KIRREL3: variants seen among roughly 807,000 people sequenced by gnomAD.
KIRREL3 encodes the protein kirre like nephrin family adhesion molecule 3, also known as kin of IRRE-like protein 3.
KIRREL3 carries 36 observed loss-of-function variants against 89.7 expected under a neutral mutation model. The ratio of observed to expected loss-of-function variants is 0.40; its 90% CI spans 0.31 to 0.53. The LOEUF is 0.53. KIRREL3 is among the 20% of genes least tolerant of loss of function. KIRREL3 has a pLI of 0.49. For missense variants in KIRREL3, 864 were observed against 1,056.6 expected, an observed-to-expected ratio of 0.82 and a Z score of 2.53; for synonymous variants, 445 against 441.4, an observed-to-expected ratio of 1.01 and a Z score of -0.10.
intron 1 of KIRREL3, among the ~76,000 whole-genome samples, chr11:126,649,129 T>G (rs1272416602): frequency 6.6e-6 from 1 of 152,142 alleles, no homozygotes; most frequent in East Asian, 1.9e-4. Flanking sequence ...TCACTACCCC[T>G]AGAACAGTAA....
chr11:126,587,868 G>C lies in KIRREL3; in HGVS notation c.56-24956C>G, dbSNP rs1941942903. 6.6e-6 allele frequency among the ~76,000 whole-genome samples: 1 copy of C among 152,172 alleles called. No homozygotes were observed. The highest frequency in any genetic ancestry group is 2.1e-4 in the South Asian group (1 of 4,820). Reference sequence around the variant, plus strand: ...TTTCACTTCTTTTTAGTTTTCATGAGAGTGAGTGAATGCAAGGAATGAATG... The same window carrying C: ...TTTCACTTCTTTTTAGTTTTCATGACAGTGAGTGAATGCAAGGAATGAATG... On this transcript the variant is annotated intron_variant, in intron 1 of 16. Transcript: ENST00000525144. The surrounding 1 kb of genome is among the most constrained non-coding windows in gnomAD (Gnocchi z 5.2).
chr11:126,857,160 G>C (rs1944545463), intron 1 of KIRREL3, among the ~76,000 whole-genome samples: 1 of 152,176 alleles, frequency 6.6e-6, no homozygotes, highest in African/African-American at 2.4e-5. Flanking sequence ...AGCCCAGTGG[G>C]GTGAGAGGGT....
chr11:126,758,527 T>A (rs932857742), intron 1 of KIRREL3, among the ~76,000 whole-genome samples: 6 of 152,200 alleles, frequency 3.9e-5, no homozygotes, highest in Non-Finnish European at 5.9e-5. Context: ...ACATCTTGAT[T>A]TGCCTTGATC....
At position 126,876,540 on chromosome 11, in the gene KIRREL3, T is replaced by A. The variant is rs1945292264; in HGVS notation, c.55+123915A>T. Among the ~76,000 whole-genome samples the A allele has an allele frequency of 1.8e-4, 1 of 5,630 alleles. No homozygotes were observed. The highest frequency in any genetic ancestry group is 4.5e-4 in the Non-Finnish European group (1 of 2,206). 3.7% of individuals were successfully genotyped at this position (5,630 alleles called of 152,430 possible). ...TACAGTACATACTCATAAATATGCT[T>A]TTTTTTTTTTTTTTTGAGATGGAGT... is the stretch of plus-strand genomic sequence containing the variant. On this transcript the variant is annotated intron_variant, in intron 1 of 16. Coordinates refer to ENST00000525144, the MANE Select transcript of KIRREL3 (RefSeq NM_032531.4). This position sits in a 1 kb window ranked among gnomAD's most constrained non-coding sequence, Gnocchi z 4.1.
intron 1 of KIRREL3, among the ~76,000 whole-genome samples, chr11:126,644,526 G>A (rs560559607): frequency 6.6e-6 from 1 of 152,330 alleles, no homozygotes; most frequent in East Asian, 1.9e-4. Context: ...TCAGAGGCTT[G>A]GGAGGACTGA....
chr11:126,585,531 GCCAGGAATTAACCTTCA>G (rs1361246314), intron 1 of KIRREL3, among the ~76,000 whole-genome samples: 1 of 152,220 alleles, frequency 6.6e-6, no homozygotes, highest in Non-Finnish European at 1.5e-5. Context: ...ACCGCGCCCG[GCCAGGAATTAACCTTCA>G]CCAGGATAGT....
chr11:126,848,843 A>T (rs1367243295), intron 1 of KIRREL3, among the ~76,000 whole-genome samples: 1 of 152,182 alleles, frequency 6.6e-6, no homozygotes, highest in Non-Finnish European at 1.5e-5. Flanking sequence ...TACCCTAAAT[A>T]CAAGAGACCT....
intron 1 of KIRREL3, among the ~76,000 whole-genome samples, chr11:126,968,661 C>T (rs545972128): frequency 2.6e-5 from 4 of 152,348 alleles, no homozygotes; most frequent in African/African-American, 9.6e-5. Context: ...TCAGCTCCTC[C>T]TGAAGAAAGC....
intron 1 of KIRREL3, among the ~76,000 whole-genome samples, chr11:126,584,348 C>A (rs189398451): frequency 3.3e-5 from 5 of 152,316 alleles, no homozygotes; most frequent in Non-Finnish European, 5.9e-5. Flanking sequence ...CATTGCCTGG[C>A]GAGCGCCTGT....
At position 126,773,328 on chromosome 11, in the gene KIRREL3, G is replaced by A. The variant is rs1419943771; in HGVS notation, c.56-210416C>T. ...GTCCCATCAGTTCAGGGCCAGAGTAGAACAAAAGGCTGGCCTCACCCGAGC... is the reference window on the plus strand; with the variant it reads ...GTCCCATCAGTTCAGGGCCAGAGTAAAACAAAAGGCTGGCCTCACCCGAGC... On this transcript the variant is annotated intron_variant, in intron 1 of 16. Coordinates refer to ENST00000525144, the MANE Select transcript of KIRREL3 (RefSeq NM_032531.4). The surrounding 1 kb of genome is among the most constrained non-coding windows in gnomAD (Gnocchi z 4.2). 6.6e-6 allele frequency among the ~76,000 whole-genome samples: 1 copy of A among 152,140 alleles called. No individual in the cohort carries two copies. The highest frequency in any genetic ancestry group is 1.5e-5 in the Non-Finnish European group (1 of 68,030).
chr11:126,519,480 A>G lies in KIRREL3; in HGVS notation c.433+1835T>C, dbSNP rs1273074699. On this transcript the variant is annotated intron_variant, in intron 4 of 16. Coordinates refer to ENST00000525144, the MANE Select transcript of KIRREL3 (RefSeq NM_032531.4). This position sits in a 1 kb window ranked among gnomAD's most constrained non-coding sequence, Gnocchi z 4.3. ...TTAATACGTTGGACTTTTTTACGTA[A>G]CGTAGAGTTGAGAGGAAAGGAAGTG... is the stretch of plus-strand genomic sequence containing the variant. Among the ~76,000 whole-genome samples, 1 of 152,238 alleles carries G rather than the reference A, an allele frequency of 6.6e-6. No homozygotes were observed. Among genetic ancestry groups the G allele is most frequent in the Admixed American group, 6.5e-5 (1 of 15,282 alleles).
At chr11:126,573,297 C>G (rs1417047333) in intron 1 of KIRREL3, among the ~76,000 whole-genome samples, 1 of 152,220 alleles carries the variant, frequency 6.6e-6, no homozygotes, top group East Asian at 1.9e-4. Context: ...CTCTCCAGCT[C>G]TCCTTGCTGT....
chr11:126,878,751 TAAA>T (rs1945386884), intron 1 of KIRREL3, among the ~76,000 whole-genome samples: 6 of 152,164 alleles, frequency 3.9e-5, no homozygotes, highest in Admixed American at 3.9e-4. Flanking sequence ...AGGGGTACAT[TAAA>T]TGTGATGGGA....
rs1159958576 is a variant in KIRREL3, at chr11:126,685,753, C to G, written c.56-122841G>C. ...ATGACGGCAAATGTCTCCCCACCGT[C>G]GGCAGCATCTTGGCCATTCAGAGCT... On this transcript the variant is annotated intron_variant, in intron 1 of 16. Coordinates refer to ENST00000525144, the MANE Select transcript of KIRREL3 (RefSeq NM_032531.4). The surrounding 1 kb of genome is among the most constrained non-coding windows in gnomAD (Gnocchi z 5.5). Among the ~76,000 whole-genome samples the G allele has an allele frequency of 6.6e-6, 1 of 152,216 alleles. No homozygotes were observed. The highest frequency in any genetic ancestry group is 2.1e-4 in the South Asian group (1 of 4,830).
rs1948917895 is a variant in KIRREL3, at chr11:126,739,754, A to G, written c.56-176842T>C. 1.3e-5 allele frequency among the ~76,000 whole-genome samples: 2 copies of G among 152,226 alleles called. No individual in the cohort carries two copies. The highest frequency in any genetic ancestry group is 4.8e-5 in the African/African-American group (2 of 41,448). ...TGGAAAACACCTAAAGGAGAACCGTAGCCAACACTGCAAATCAGGCAGCAT... is the reference window on the plus strand; with the variant it reads ...TGGAAAACACCTAAAGGAGAACCGTGGCCAACACTGCAAATCAGGCAGCAT... On this transcript the variant is annotated intron_variant, in intron 1 of 16. Transcript: ENST00000525144. This position sits in a 1 kb window ranked among gnomAD's most constrained non-coding sequence, Gnocchi z 5.5.
In KIRREL3 at chr11:126,423,395, G is replaced by C. The variant is rs1954799756; in HGVS notation, c.*1185C>G. On this transcript the variant is annotated 3_prime_UTR_variant, in exon 17 of 17. Coordinates refer to ENST00000525144, the MANE Select transcript of KIRREL3 (RefSeq NM_032531.4). The stretch of plus-strand genomic sequence containing the variant: ...ACTGCCTTTATTGTCTAGGAAGATT[G>C]AATCAAAGGAGGGCAGAGAACCTTG... 1 of 152,182 alleles carries C rather than the reference G, an allele frequency of 6.6e-6. No homozygotes were observed. Among genetic ancestry groups the C allele is most frequent in the Non-Finnish European group, 1.5e-5 (1 of 68,032 alleles). 9.4% of individuals were successfully genotyped at this position (152,182 alleles called of 1,614,324 possible). A position where few individuals can be genotyped will look rare whatever the true frequency, so the allele number is the denominator to read the frequency against.
chr11:126,832,702 G>A (rs1187138085), intron 1 of KIRREL3, among the ~76,000 whole-genome samples: 1 of 152,174 alleles, frequency 6.6e-6, no homozygotes, highest in Non-Finnish European at 1.5e-5. Flanking sequence ...TGCACGCTGG[G>A]AATGTTTTCA....
At chr11:126,464,397 G>A (rs1031200729) in intron 5 of KIRREL3, among the ~76,000 whole-genome samples, 5 of 151,900 alleles carry the variant, frequency 3.3e-5, no homozygotes, top group African/African-American at 1.2e-4. Context: ...CAGGCATGGT[G>A]GCTTGTGCCT....
In KIRREL3 at chr11:126,818,440, G is replaced by A. The variant is rs566397424; in HGVS notation, c.55+182015C>T. The stretch of plus-strand genomic sequence containing the variant: ...AGTTGTGTGGCTTTAGGCACCTTCC[G>A]TAACCTCTCTGAGCCTATTTCCTCA... On this transcript the variant is annotated intron_variant, in intron 1 of 16. Transcript: ENST00000525144. 9.4e-4 allele frequency among the ~76,000 whole-genome samples: 143 copies of A among 152,256 alleles called. 2 individuals are homozygous for A. Among genetic ancestry groups the A allele is most frequent in the African/African-American group, 3.1e-3 (129 of 41,560 alleles).
Sources: gnomAD v4.1 joint callset for allele counts (sites outside exome capture counted in the v4.1 genomes callset) on GRCh38, gnomAD v4.1.1 for gene constraint, Gnocchi (gnomAD v3.1) non-coding constraint, MANE v1.5 for transcripts, NCBI Gene and HGNC (gene_info 2026-07-23, HGNC 2026-07-21) for gene names.